The following SEL1L3 variants were observed in gnomAD, a reference collection of about 807,000 sequenced individuals.
SEL1L3 encodes SEL1L family member 3, also known as protein sel-1 homolog 3.
A neutral mutation model predicts 142.8 loss-of-function variants in SEL1L3; 76 were observed. The observed-to-expected ratio is 0.53, with a 90% CI of 0.44 to 0.64. SEL1L3 has a LOEUF of 0.64. Among genes scored for constraint, SEL1L3 ranks in the 30% least tolerant of loss-of-function variants. SEL1L3 has a pLI of 0.00. For missense variants in SEL1L3, 1,262 were observed against 1,381.7 expected, an observed-to-expected ratio of 0.91 and a Z score of 1.37; for synonymous variants, 504 against 519.6, an observed-to-expected ratio of 0.97 and a Z score of 0.41.
intron 17 of SEL1L3, among the ~76,000 whole-genome samples, chr4:25,770,741 A>C (rs1719109294): frequency 5.1e-5 from 1 of 19,424 alleles, no homozygotes; most frequent in Admixed American, 4.5e-4. Flanking sequence ...CTCTGTCTCA[A>C]AAAAAAAAAA....
At chr4:25,860,362 T>C (rs1173946035) in intron 1 of SEL1L3, among the ~76,000 whole-genome samples, 1 of 152,216 alleles carries the variant, frequency 6.6e-6, no homozygotes, top group Non-Finnish European at 1.5e-5. Flanking sequence ...GACCAACCAC[T>C]TCCTCCAGGT....
chr4:25,790,508 C>A lies in SEL1L3; in HGVS notation c.2023G>T (p.Asp675Tyr). The A allele has an allele frequency of 6.2e-7, 1 of 1,613,582 alleles. No homozygotes were observed. The change falls in exon 12 of 24, where the codon GAT becomes TAT. Residue 675 changes from aspartate to tyrosine, a missense_variant. Asp to Tyr is a radical substitution (Grantham distance 160, BLOSUM62 -3). Coordinates refer to ENST00000399878, the MANE Select transcript of SEL1L3 (RefSeq NM_015187.5). Reference sequence around the variant, plus strand: ...TCATGCTTCAACCACATAAAGACATCTCCATCTTCTTTGGTTTGTACCTTG... The same window carrying A: ...TCATGCTTCAACCACATAAAGACATATCCATCTTCTTTGGTTTGTACCTTG... ...ILKVQTKEDG[D>Y]VFMWLKHEAT...
intron 11 of SEL1L3, 22 bp downstream of exon 11, chr4:25,802,261 C>T (rs752386155): frequency 1.3e-6 from 2 of 1,599,540 alleles, no homozygotes; most frequent in Admixed American, 1.7e-5. Flanking sequence ...TAACCATTCC[C>T]AACCTTTTTT....
At chr4:25,770,976 C>A (rs1560287298) in intron 17 of SEL1L3, among the ~76,000 whole-genome samples, 1 of 152,206 alleles carries the variant, frequency 6.6e-6, no homozygotes, top group Non-Finnish European at 1.5e-5. Context: ...ATTTAGCCTT[C>A]CAGCACTTTG....
the SEL1L3 span, among the ~76,000 whole-genome samples, chr4:25,733,765 C>T: frequency 6.6e-6 from 1 of 152,042 alleles, no homozygotes; most frequent in Admixed American, 6.6e-5. Flanking sequence ...CCTCCCACCT[C>T]CGGCCTCCCA....
chr4:25,808,933 T>C (rs57041731), intron 9 of SEL1L3, among the ~76,000 whole-genome samples: 63 of 144,390 alleles, frequency 4.4e-4, no homozygotes, highest in Admixed American at 9.1e-4. Flanking sequence ...ATTAGCAGGG[T>C]GTGGTGGCGA....
chr4:25,841,524 G>T (rs1161994748), intron 2 of SEL1L3, among the ~76,000 whole-genome samples: 2 of 152,210 alleles, frequency 1.3e-5, no homozygotes, highest in African/African-American at 4.8e-5. Context: ...ATGAATAAGT[G>T]TGGGGTTTGG....
At chr4:25,761,868 G>A (rs1205490475) in intron 20 of SEL1L3, among the ~76,000 whole-genome samples, 1 of 152,152 alleles carries the variant, frequency 6.6e-6, no homozygotes, top group African/African-American at 2.4e-5. Context: ...AACACTGATC[G>A]GTGAGGTATT....
intron 8 of SEL1L3, 81 bp downstream of exon 8, chr4:25,819,727 A>T: frequency 7.3e-7 from 1 of 1,362,210 alleles, no homozygotes; most frequent in Non-Finnish European, 9.9e-7. Context: ...GTTTAATTTT[A>T]ATCCTGTTAT....
At chr4:25,860,992 G>C (rs1342951627) in intron 1 of SEL1L3, among the ~76,000 whole-genome samples, 2 of 152,124 alleles carry the variant, frequency 1.3e-5, no homozygotes, top group Non-Finnish European at 2.9e-5. Context: ...TAGGCCCTTA[G>C]GCTTTGCTCT....
At chr4:25,722,184 T>C in the SEL1L3 span, among the ~76,000 whole-genome samples, 2 of 152,132 alleles carry the variant, frequency 1.3e-5, no homozygotes, top group Non-Finnish European at 2.9e-5. Context: ...CTAGGAAATA[T>C]ATGGCAAAGG....
intron 1 of SEL1L3, among the ~76,000 whole-genome samples, chr4:25,853,943 A>T (rs1429575832): frequency 2.0e-5 from 3 of 152,086 alleles, no homozygotes; most frequent in Non-Finnish European, 4.4e-5. Context: ...AAGTGCTAGG[A>T]TTACAGGTGT....
At chr4:25,855,126 A>C (rs1717167109) in intron 1 of SEL1L3, among the ~76,000 whole-genome samples, 1 of 152,214 alleles carries the variant, frequency 6.6e-6, no homozygotes, top group African/African-American at 2.4e-5. Flanking sequence ...TACCTTTCCT[A>C]TGCACAAAAC....
chr4:25,797,707 C>T (rs1427609889), intron 11 of SEL1L3, among the ~76,000 whole-genome samples: 1 of 152,184 alleles, frequency 6.6e-6, no homozygotes, highest in Non-Finnish European at 1.5e-5. Flanking sequence ...CACTGGGTAA[C>T]CTCTGCACCC....
intron 17 of SEL1L3, among the ~76,000 whole-genome samples, chr4:25,772,767 T>C (rs1291288925): frequency 6.6e-6 from 1 of 152,122 alleles, no homozygotes; most frequent in East Asian, 1.9e-4. Flanking sequence ...TACAGGTACA[T>C]GCATCAAAAT....
At chr4:25,716,468 A>T in the SEL1L3 span, among the ~76,000 whole-genome samples, 2 of 152,190 alleles carry the variant, frequency 1.3e-5, no homozygotes, top group African/African-American at 2.4e-5. Flanking sequence ...GAAAATATGC[A>T]TGCCCTTTGA....
the SEL1L3 span, among the ~76,000 whole-genome samples, chr4:25,727,209 C>T: frequency 2.0e-5 from 3 of 152,078 alleles, no homozygotes; most frequent in East Asian, 5.8e-4. Context: ...TGTGCCACTA[C>T]GCCCAGCTAA....
rs773284523 is a variant in SEL1L3, at chr4:25,788,381, A to G, written c.2077-17T>C. On this transcript the variant is annotated splice_polypyrimidine_tract_variant and intron_variant, in intron 12 of 23. Coordinates refer to ENST00000399878, the MANE Select transcript of SEL1L3 (RefSeq NM_015187.5). The surrounding 1 kb of genome is among the most constrained non-coding windows in gnomAD (Gnocchi z 5.3). ...CAATCGTTGCTTAAAGATAATAGCA[A>G]TTTAGAACAATGACTTTTCCTGTAT... 1.9e-6 allele frequency: 3 copies of G among 1,613,014 alleles called. No homozygotes were observed. The Admixed American group carries it at 5.0e-5, about 27-fold the overall frequency.
Position 25,805,152 on chromosome 4 carries a change from C to T in SEL1L3, c.1565-400G>A, listed in dbSNP as rs116527501. 2.0e-3 allele frequency among the ~76,000 whole-genome samples: 299 copies of T among 152,266 alleles called. 2 individuals are homozygous for T. The highest frequency in any genetic ancestry group is 6.9e-3 in the African/African-American group (285 of 41,556). ...TCACAAACAGTTCTTAGGTACTGCT[C>T]TAAAAAGTTGAGCAAAAGAACCTTA... is the stretch of plus-strand genomic sequence containing the variant. On this transcript the variant is annotated intron_variant, in intron 9 of 23. Transcript: ENST00000399878.
Sources: gnomAD v4.1 joint callset for allele counts (sites outside exome capture counted in the v4.1 genomes callset) on GRCh38, gnomAD v4.1.1 for gene constraint, Gnocchi (gnomAD v3.1) non-coding constraint, MANE v1.5 for transcripts, NCBI Gene and HGNC (gene_info 2026-07-23, HGNC 2026-07-21) for gene names.